Variants in MYBL1 observed in about 807,000 individuals in gnomAD.
MYBL1 encodes MYB proto-oncogene like 1.
Under a neutral mutation model 96.3 loss-of-function variants are expected in MYBL1, and 17 were observed. The ratio of observed to expected loss-of-function variants is 0.18; its 90% CI spans 0.12 to 0.26. The LOEUF is 0.26. Ranked by LOEUF, MYBL1 falls within the 10% of genes least tolerant of loss-of-function variation. MYBL1 has a pLI of 1.00. For synonymous variants in MYBL1, 282 were observed against 292.7 expected (o/e 0.96, Z 0.37); for missense variants, 701 against 882.9 (o/e 0.79, Z 2.61).
intron 1 of MYBL1, among the ~76,000 whole-genome samples, chr8:66,606,640 T>C (rs1586603299): frequency 6.6e-6 from 1 of 152,212 alleles, no homozygotes; most frequent in African/African-American, 2.4e-5. Flanking sequence ...AAATTCTTCA[T>C]ATTTGACCAG....
At chr8:66,573,980 A>C (rs767382399) in intron 10 of MYBL1, among the ~76,000 whole-genome samples, 3,018 of 152,260 alleles carry the variant, frequency 0.02, 96 homozygotes, top group African/African-American at 0.067. Flanking sequence ...CTTTGCTGAT[A>C]AGAAATACAG....
intron 1 of MYBL1, among the ~76,000 whole-genome samples, chr8:66,608,404 T>C (rs943129194): frequency 1.3e-5 from 2 of 152,140 alleles, no homozygotes; most frequent in East Asian, 1.9e-4. Flanking sequence ...TCCTAGAGTC[T>C]ACCTACTTCT....
At chr8:66,596,816 G>A (rs768384588) in intron 5 of MYBL1, among the ~76,000 whole-genome samples, 5 of 152,114 alleles carry the variant, frequency 3.3e-5, no homozygotes, top group Non-Finnish European at 7.4e-5. Flanking sequence ...CACTGCCTCT[G>A]AGGAAAATTT....
intron 9 of MYBL1, 35 bp downstream of exon 9, chr8:66,580,098 T>C (rs776650761): frequency 2.3e-5 from 34 of 1,466,152 alleles, no homozygotes; most frequent in Non-Finnish European, 3.0e-5. Context: ...ATAACTAAAA[T>C]TGAACTTTTG....
At position 66,566,105 on chromosome 8, in the gene MYBL1, G is replaced by T; in HGVS notation, c.2089C>A (p.Pro697Thr). 1 of 1,542,026 alleles carries T rather than the reference G, an allele frequency of 6.5e-7. No homozygotes were observed. Among genetic ancestry groups the T allele is most frequent in the Non-Finnish European group, 8.8e-7 (1 of 1,140,896 alleles). ...TYTLTKKKPN[P>T]NTSKVVKLEK... is the part of the protein sequence containing the mutation. ...AATTTGACAACTTTGGAAGTGTTAG[G>T]GTTTGGTTTCTTTTTAGTAAGTGTA... Residue 697 changes from proline (P) to threonine (T), a missense_variant, in exon 15 of 16, where the codon CCT (proline) becomes ACT (threonine). Pro to Thr is a conservative substitution (Grantham distance 38). Transcript: ENST00000522677.
intron 1 of MYBL1, among the ~76,000 whole-genome samples, chr8:66,603,522 G>C (rs1810190872): frequency 6.6e-6 from 1 of 150,520 alleles, no homozygotes; most frequent in Non-Finnish European, 1.5e-5. Context: ...GTCTCAGCTT[G>C]CTCTGTCACC....
intron 1 of MYBL1, among the ~76,000 whole-genome samples, chr8:66,607,093 C>CATAT (rs1465454705): frequency 6.7e-6 from 1 of 149,814 alleles, no homozygotes; most frequent in Non-Finnish European, 1.5e-5. Flanking sequence ...ACGCCTGGCC[C>CATAT]ATATATGGTT....
In MYBL1 at chr8:66,597,547, T is replaced by C. The variant is rs1205027916; in HGVS notation, c.295A>G (p.Ile99Val). 6.3e-7 allele frequency: 1 copy of C among 1,590,454 alleles called. No individual in the cohort carries two copies. The highest frequency in any genetic ancestry group is 1.3e-5 in the African/African-American group (1 of 74,138). The change falls in exon 5 of 16, where the codon ATT becomes GTT. Residue 99 changes from isoleucine to valine, a missense_variant. Coordinates refer to ENST00000522677, the MANE Select transcript of MYBL1 (RefSeq NM_001080416.4). ...GGCCCATATTTCTGAACTAATTCAA[T>C]AACCTAGGAAACAGAAAAACAAAGT... ...PWTKEEDQRV[I>V]ELVQKYGPKR...
chr8:66,608,919 A>T (rs907247453), intron 1 of MYBL1, among the ~76,000 whole-genome samples: 5 of 152,128 alleles, frequency 3.3e-5, no homozygotes, highest in Admixed American at 2.0e-4. Flanking sequence ...CGGTTTCCAG[A>T]ATGATTCTGC....
At chr8:66,600,392 C>A (rs992107049) in intron 3 of MYBL1, among the ~76,000 whole-genome samples, 1 of 152,166 alleles carries the variant, frequency 6.6e-6, no homozygotes, top group Non-Finnish European at 1.5e-5. Flanking sequence ...CTTCTGTACA[C>A]CAACGCTAAT....
intron 8 of MYBL1, among the ~76,000 whole-genome samples, chr8:66,591,692 CAA>C (rs1316481601): frequency 1.3e-5 from 2 of 151,788 alleles, no homozygotes; most frequent in Non-Finnish European, 2.9e-5. Flanking sequence ...AAAAAATTTT[CAA>C]AGAGAATAAA....
rs1398456448 is a variant in MYBL1, at chr8:66,580,348, T to C, written c.886A>G (p.Ser296Gly). The C allele has an allele frequency of 1.2e-6, 2 of 1,603,396 alleles. No individual in the cohort carries two copies. The highest frequency in any genetic ancestry group is 2.7e-5 in the African/African-American group (2 of 74,810). The change falls in exon 9 of 16, where the codon AGC (serine) becomes GGC (glycine). Residue 296 changes from serine (S) to glycine (G), a missense_variant. Physicochemically the swap from Ser to Gly is moderately conservative, Grantham distance 56. This residue lies in a region of MYBL1 where 396 missense variants were observed against 407.4 expected (regional missense o/e 0.97). Transcript: ENST00000522677. The part of the protein sequence containing the change: ...RIPSQPGSFS[S>G]WSGSFLMDDN... ...TCCATGAGGAAACTACCAGACCAGC[T>C]AGAAAAACTTCCAGGCTGCTAAAGG...
chr8:66,607,680 AAAG>A lies in MYBL1; in HGVS notation c.20+5136_20+5138del, dbSNP rs1193236386. Among the ~76,000 whole-genome samples the A allele has an allele frequency of 3.3e-5, 5 of 150,704 alleles. No homozygotes were observed. In the East Asian group the frequency reaches 5.8e-4, roughly 17 times the overall value. ...AGAGGTAAAAGCATTCTTATTTGTT[AAAG>A]AAGACTTTCAAAACCCAAAAAAAAA... On this transcript the variant is annotated intron_variant, in intron 1 of 15. Coordinates refer to ENST00000522677, the MANE Select transcript of MYBL1 (RefSeq NM_001080416.4).
chr8:66,596,537 T>C (rs1809856365), intron 5 of MYBL1, among the ~76,000 whole-genome samples: 1 of 152,074 alleles, frequency 6.6e-6, no homozygotes, highest in South Asian at 2.1e-4. Context: ...TTTAATAACT[T>C]GAATAAAAAA....
At chr8:66,585,635 C>T (rs535901370) in intron 8 of MYBL1, among the ~76,000 whole-genome samples, 3 of 152,180 alleles carry the variant, frequency 2.0e-5, no homozygotes, top group Non-Finnish European at 2.9e-5. Context: ...CCCAGCTACT[C>T]AGGAGGCTGA....
intron 6 of MYBL1, among the ~76,000 whole-genome samples, chr8:66,593,459 C>G (rs988127723): frequency 1.4e-4 from 22 of 152,146 alleles, no homozygotes; most frequent in Admixed American, 6.5e-5. Context: ...CTAGATTTAT[C>G]AGCCAGTTTA....
At position 66,597,331 on chromosome 8, in the gene MYBL1, T is replaced by A; in HGVS notation, c.511A>T (p.Arg171Trp). 1 of 1,582,698 alleles carries A rather than the reference T, an allele frequency of 6.3e-7. No homozygotes were observed. Reference sequence around the variant, plus strand: ...ATATATATACATTTATATAAGCACCTTCCTGGAAGTAGTTTGGCAATTTCT... The same window carrying A: ...ATATATATACATTTATATAAGCACCATCCTGGAAGTAGTTTGGCAATTTCT... ...WAEIAKLLPG[R>W]TDNSIKNHWN... Residue 171 changes from arginine (R) to tryptophan (W), a missense_variant and splice_region_variant, in exon 5 of 16, where the codon AGG (arginine) becomes TGG (tryptophan). Transcript: ENST00000522677.
At chr8:66,584,557 C>CA (rs747368737) in intron 8 of MYBL1, among the ~76,000 whole-genome samples, 22 of 152,138 alleles carry the variant, frequency 1.4e-4, no homozygotes, top group Non-Finnish European at 2.9e-4. Flanking sequence ...CATCAACACA[C>CA]AAAAAATCAG....
intron 12 of MYBL1, among the ~76,000 whole-genome samples, chr8:66,568,792 C>T (rs896414256): frequency 7.2e-5 from 11 of 151,908 alleles, no homozygotes; most frequent in Admixed American, 5.2e-4. Context: ...TTTGGGAGAC[C>T]GAGGCGGGCA....
Sources: gnomAD v4.1 joint callset for allele counts (sites outside exome capture counted in the v4.1 genomes callset) on GRCh38, gnomAD v4.1.1 for gene constraint, gnomAD v4.1.1 regional missense constraint, MANE v1.5 for transcripts, NCBI Gene and HGNC (gene_info 2026-07-23, HGNC 2026-07-21) for gene names.